Variants in FBXL5 observed in about 807,000 individuals in gnomAD.
FBXL5 encodes F-box/LRR-repeat protein 5.
A neutral mutation model predicts 78.3 loss-of-function variants in FBXL5; 26 were observed. The ratio of observed to expected loss-of-function variants is 0.33; its 90% CI spans 0.24 to 0.46. The LOEUF is 0.46. Among genes scored for constraint, FBXL5 ranks in the 20% least tolerant of loss-of-function variants. The pLI is 1.00. For synonymous variants in FBXL5, 295 were observed against 282.5 expected, an observed-to-expected ratio of 1.04 and a Z score of -0.45; for missense variants, 710 against 829.2, an observed-to-expected ratio of 0.86 and a Z score of 1.77.
Position 15,680,072 on chromosome 4 carries a change from T to C in FBXL5, c.-284+1311A>G, listed in dbSNP as rs371916018. 1.3e-4 allele frequency among the ~76,000 whole-genome samples: 19 copies of C among 151,876 alleles called. No individual in the cohort carries two copies. In the South Asian group the frequency reaches 3.9e-3, roughly 32 times the overall value. On this transcript the variant is annotated intron_variant, in intron 1 of 4. Transcript: ENST00000507899. ...ATGTGACAGGAAAAAATAAGTTTAA[T>C]TGAATACTGATAAGGAGGAATATCC...
chr4:15,638,375 A>AAAATAATGCCTTTAACTG (rs1188185315), intron 4 of FBXL5, 133 bp downstream of exon 4: 1 of 494,164 alleles, frequency 2.0e-6, no homozygotes, highest in African/African-American at 2.0e-5. Flanking sequence ...TTGATACATG[A>AAAATAATGCCTTTAACTG]AAATAATGCC....
At chr4:15,657,573 T>C (rs943309678), upstream of FBXL5, among the ~76,000 whole-genome samples, 3 of 152,216 alleles carry the variant, frequency 2.0e-5, no homozygotes, top group Non-Finnish European at 4.4e-5. Flanking sequence ...AGCTGAAAAG[T>C]AGTAACAGCC....
chr4:15,651,074 AC>A (rs1715978564), intron 1 of FBXL5, among the ~76,000 whole-genome samples: 3 of 152,228 alleles, frequency 2.0e-5, no homozygotes, highest in Non-Finnish European at 4.4e-5. Context: ...TAACAAAAAC[AC>A]ATATATTATT....
At chr4:15,681,493 T>C (rs1019278905) in exon 1 of FBXL5, 16 of 163,708 alleles carry the variant, frequency 9.8e-5, no homozygotes, top group Non-Finnish European at 1.0e-4. Context: ...ACTAGCCCTG[T>C]CCGCGCTCGG....
rs777106739 is a variant in FBXL5 at position 15,625,450 on chromosome 4, C to T, written c.1652G>A (p.Cys551Tyr). 7 of 1,613,858 alleles carry T rather than the reference C, an allele frequency of 4.3e-6. No homozygotes were observed. Among genetic ancestry groups the T allele is most frequent in the African/African-American group, 2.7e-5 (2 of 74,928 alleles). Residue 551 changes from cysteine to tyrosine, a missense_variant, in exon 9 of 11, where the codon TGT becomes TAT. By Grantham distance (194) the Cys-to-Tyr change is radical. Transcript: ENST00000341285. ...PAFAYCGHSF[C>Y]CTGTALRTMS... ...AGTTCTTAAAGCTGTTCCTGTACAA[C>T]AAAATGAGTGACCACAATACGCAAA... is the stretch of plus-strand genomic sequence containing the variant.
At chr4:15,656,200 A>T (rs748217697), upstream of FBXL5, 4 of 456,222 alleles carry the variant, frequency 8.8e-6, no homozygotes, top group South Asian at 6.2e-5. Flanking sequence ...TTTTAAGCGG[A>T]GGTTCGGAGA....
At chr4:15,658,817 G>T (rs894089190), upstream of FBXL5, among the ~76,000 whole-genome samples, 19 of 152,192 alleles carry the variant, frequency 1.2e-4, no homozygotes, top group African/African-American at 4.6e-4. Flanking sequence ...GGGCTTTCTG[G>T]TAGAAGTGGC....
intron 1 of FBXL5, among the ~76,000 whole-genome samples, chr4:15,672,132 C>T (rs973050405): frequency 1.3e-5 from 2 of 152,148 alleles, no homozygotes; most frequent in Non-Finnish European, 2.9e-5. Context: ...TAGTTTGATG[C>T]TTTCAGGCCT....
intron 1 of FBXL5, among the ~76,000 whole-genome samples, chr4:15,680,788 T>G (rs1202469901): frequency 1.3e-5 from 2 of 151,904 alleles, no homozygotes; most frequent in Admixed American, 6.6e-5. Context: ...AAAGTCGCAT[T>G]AAGTTTCAGA....
At chr4:15,617,643 T>C (rs114941841) in intron 9 of FBXL5, among the ~76,000 whole-genome samples, 165 of 151,522 alleles carry the variant, frequency 1.1e-3, no homozygotes, top group African/African-American at 3.9e-3. Flanking sequence ...TCCAGGGACA[T>C]GGGTGGAGCT....
chr4:15,652,053 C>A (rs751845049), intron 1 of FBXL5, among the ~76,000 whole-genome samples: 1 of 152,164 alleles, frequency 6.6e-6, no homozygotes, highest in Non-Finnish European at 1.5e-5. Flanking sequence ...ACATTGCCAA[C>A]GTCTTTCTGT....
chr4:15,605,782 C>T lies in FBXL5; in HGVS notation c.2017G>A (p.Ala673Thr), dbSNP rs1442946896. 1.9e-6 allele frequency: 3 copies of T among 1,613,366 alleles called. No homozygotes were observed. The highest frequency in any genetic ancestry group is 1.7e-6 in the Non-Finnish European group (2 of 1,179,562). The change falls in exon 11 of 11, where the codon GCC becomes ACC. Residue 673 changes from alanine (A) to threonine (T), a missense_variant. Around this residue, in one of 4 missense-constraint regions of FBXL5, gnomAD observed 58 missense variants for 112.3 expected, o/e 0.52. Coordinates refer to ENST00000341285, the MANE Select transcript of FBXL5 (RefSeq NM_012161.4). ...DNINGPHADT[A>T]SGCQNLQCGF... ...CACTGCAAATTCTGGCATCCACTGGCGGTATCAGCATGAGGACCTGTATGA... is the reference window on the plus strand; with the variant it reads ...CACTGCAAATTCTGGCATCCACTGGTGGTATCAGCATGAGGACCTGTATGA...
intron 10 of FBXL5, among the ~76,000 whole-genome samples, chr4:15,607,206 G>A (rs1330073726): frequency 6.6e-6 from 1 of 152,300 alleles, no homozygotes; most frequent in South Asian, 2.1e-4. Context: ...TAGATGAAAG[G>A]AGACTGCCCA....
At chr4:15,666,871 T>TAA (rs1222526858) in intron 1 of FBXL5, among the ~76,000 whole-genome samples, 1 of 146,010 alleles carries the variant, frequency 6.8e-6, no homozygotes. Flanking sequence ...GTCCCACCAT[T>TAA]AAAAAAAAAA....
intron 9 of FBXL5, among the ~76,000 whole-genome samples, chr4:15,621,534 A>G (rs1252217036): frequency 1.3e-5 from 2 of 152,216 alleles, no homozygotes; most frequent in Non-Finnish European, 2.9e-5. Context: ...ATGGATAAAC[A>G]TAATGTGGTA....
At chr4:15,664,498 T>A (rs981004874), upstream of FBXL5, among the ~76,000 whole-genome samples, 2 of 152,050 alleles carry the variant, frequency 1.3e-5, no homozygotes, top group Non-Finnish European at 2.9e-5. Flanking sequence ...ATATACTGTT[T>A]ATTTTATTGA....
intron 9 of FBXL5, among the ~76,000 whole-genome samples, chr4:15,622,012 C>T (rs752150132): frequency 2.0e-5 from 3 of 152,044 alleles, no homozygotes; most frequent in African/African-American, 4.8e-5. Flanking sequence ...TTTTTCTTTT[C>T]GGTAAAGATG....
chr4:15,664,379 T>G (rs1332735316), upstream of FBXL5, among the ~76,000 whole-genome samples: 1 of 151,984 alleles, frequency 6.6e-6, no homozygotes, highest in Non-Finnish European at 1.5e-5. Flanking sequence ...CTAATGACTC[T>G]CCCTCAGTTA....
chr4:15,608,811 A>T lies in FBXL5; in HGVS notation c.2000-3012T>A, dbSNP rs28599714. 9.3e-3 allele frequency among the ~76,000 whole-genome samples: 1,423 copies of T among 152,270 alleles called. 22 individuals carry two copies. The highest frequency in any genetic ancestry group is 0.033 in the African/African-American group (1,353 of 41,568). On this transcript the variant is annotated intron_variant, in intron 10 of 10. Transcript: ENST00000341285. ...GTAAATAATAAGAGTAGTTACTGGT[A>T]TTTGATCCCAATAATCATGAAAGTG... is the stretch of plus-strand genomic sequence containing the variant.
Sources: gnomAD v4.1 joint callset for allele counts (sites outside exome capture counted in the v4.1 genomes callset) on GRCh38, gnomAD v4.1.1 for gene constraint, gnomAD v4.1.1 regional missense constraint, MANE v1.5 for transcripts, NCBI Gene and HGNC (gene_info 2026-07-23, HGNC 2026-07-21) for gene names.